The following CLPX variants were observed in gnomAD, a reference collection of about 807,000 sequenced individuals.
CLPX encodes the protein ATP-dependent clpX-like chaperone, mitochondrial.
CLPX carries 34 observed loss-of-function variants against 76.4 expected under a neutral mutation model. The observed-to-expected ratio is 0.45, with a 90% CI of 0.34 to 0.59. CLPX has a LOEUF of 0.59. Among genes scored for constraint, CLPX ranks in the 20% least tolerant of loss-of-function variants. The pLI, the probability that CLPX is intolerant of heterozygous loss-of-function variation, is 0.01. For missense variants in CLPX, 613 were observed against 757.0 expected (o/e 0.81, Z 2.23); for synonymous variants, 248 against 270.9 (o/e 0.92, Z 0.83).
rs2087820686 is a variant in CLPX at position 65,158,811 on chromosome 15, C to T, written c.716-60G>A. ...ATTTGAATTTACTTGAAGAAAATGT[C>T]CCATAAAAACTTTTATCTAAAACTA... On this transcript the variant is annotated intron_variant, in intron 6 of 13. Coordinates refer to ENST00000300107, the MANE Select transcript of CLPX (RefSeq NM_006660.5). 5 of 1,382,860 alleles carry T rather than the reference C, an allele frequency of 3.6e-6. No individual in the cohort carries two copies. In the African/African-American group the frequency reaches 4.4e-5, roughly 12 times the overall value. 85.7% of individuals were successfully genotyped at this position (1,382,860 alleles called of 1,614,324 possible).
At chr15:65,171,869 T>C (rs895442100) in intron 3 of CLPX, among the ~76,000 whole-genome samples, 5 of 152,226 alleles carry the variant, frequency 3.3e-5, no homozygotes, top group African/African-American at 7.2e-5. Context: ...TAAATTTGAC[T>C]TGAATATTTG....
chr15:65,181,280 G>A (rs567524310), intron 1 of CLPX, among the ~76,000 whole-genome samples: 13 of 152,088 alleles, frequency 8.5e-5, no homozygotes, highest in Non-Finnish European at 1.3e-4. Flanking sequence ...GAGTCAGTGA[G>A]TAGAATGGCG....
At chr15:65,162,579 C>G in intron 6 of CLPX, 25 bp downstream of exon 6, 1 of 1,514,472 alleles carries the variant, frequency 6.6e-7, no homozygotes, top group Non-Finnish European at 9.1e-7. Flanking sequence ...AGAATGATTA[C>G]AGAGGAGGAC....
At chr15:65,179,984 TA>T in intron 2 of CLPX, 59 bp downstream of exon 2, 1 of 1,279,226 alleles carries the variant, frequency 7.8e-7, no homozygotes, top group Non-Finnish European at 1.1e-6. Flanking sequence ...AGTACTGTTA[TA>T]TTTTTTTAAA....
intron 1 of CLPX, among the ~76,000 whole-genome samples, chr15:65,182,963 G>A (rs1297226439): frequency 1.3e-5 from 2 of 149,948 alleles, no homozygotes; most frequent in African/African-American, 2.5e-5. Flanking sequence ...AGGAGTTGGA[G>A]TCCAGCCTGA....
At chr15:65,169,148 C>T (rs374850333) in intron 3 of CLPX, among the ~76,000 whole-genome samples, 1 of 151,946 alleles carries the variant, frequency 6.6e-6, no homozygotes, top group Non-Finnish European at 1.5e-5. Context: ...CTTAGCCTCC[C>T]GAGTAGCTGG....
chr15:65,157,406 G>T (rs1454665947), intron 8 of CLPX, among the ~76,000 whole-genome samples: 6 of 152,170 alleles, frequency 3.9e-5, no homozygotes, highest in Admixed American at 2.0e-4. Flanking sequence ...TGTTTCTAGA[G>T]TCATCTGGTA....
chr15:65,180,422 T>C (rs1370589858), intron 1 of CLPX, among the ~76,000 whole-genome samples: 5 of 152,186 alleles, frequency 3.3e-5, no homozygotes, highest in Admixed American at 3.3e-4. Flanking sequence ...TAAAGGTGTT[T>C]CTTTCTGTAT....
At chr15:65,168,321 T>C (rs1424186304) in intron 3 of CLPX, among the ~76,000 whole-genome samples, 2 of 127,796 alleles carry the variant, frequency 1.6e-5, no homozygotes, top group East Asian at 2.5e-4. Flanking sequence ...GAGGTGGAGC[T>C]TGCAGTGAGA....
At chr15:65,160,011 C>G (rs1048479248) in intron 6 of CLPX, among the ~76,000 whole-genome samples, 2 of 152,014 alleles carry the variant, frequency 1.3e-5, no homozygotes, top group Non-Finnish European at 2.9e-5. Context: ...CGGGGTTTTG[C>G]CATGTTGCCC....
At chr15:65,174,356 C>T (rs2088057748) in intron 3 of CLPX, among the ~76,000 whole-genome samples, 1 of 150,690 alleles carries the variant, frequency 6.6e-6, no homozygotes. Flanking sequence ...CCTCCGCCTC[C>T]CGGGTTCAAG....
chr15:65,179,084 G>A (rs1179247371), intron 2 of CLPX, 33 bp from the exon 3 acceptor site: 3 of 1,367,140 alleles, frequency 2.2e-6, no homozygotes, highest in East Asian at 2.3e-5. Context: ...AAGGAAGAGT[G>A]TCAATTATTA....
At chr15:65,181,971 A>C (rs1236123163) in intron 1 of CLPX, among the ~76,000 whole-genome samples, 1 of 151,432 alleles carries the variant, frequency 6.6e-6, no homozygotes, top group East Asian at 1.9e-4. Flanking sequence ...AAAATACAAA[A>C]AATTAGCTGG....
chr15:65,165,217 A>G (rs1202782019), intron 4 of CLPX, among the ~76,000 whole-genome samples: 1 of 151,912 alleles, frequency 6.6e-6, no homozygotes, highest in African/African-American at 2.4e-5. Context: ...AGTCCCAGCT[A>G]CTGTGGAGGC....
intron 1 of CLPX, among the ~76,000 whole-genome samples, chr15:65,182,914 G>C (rs1374782491): frequency 1.3e-5 from 2 of 152,180 alleles, no homozygotes; most frequent in African/African-American, 4.8e-5. Flanking sequence ...TGTAATCCTA[G>C]CACTTTGGGA....
intron 3 of CLPX, among the ~76,000 whole-genome samples, chr15:65,173,233 G>A (rs1344190724): frequency 1.3e-5 from 2 of 151,962 alleles, no homozygotes; most frequent in African/African-American, 2.4e-5. Context: ...AGCTGGGTGT[G>A]GTGGTGGGCA....
At chr15:65,162,509 T>C (rs1595939752) in intron 6 of CLPX, 95 bp downstream of exon 6, 2 of 766,896 alleles carry the variant, frequency 2.6e-6, no homozygotes, top group African/African-American at 3.5e-5. Flanking sequence ...CACAAGCAAA[T>C]ACATACATGT....
chr15:65,171,410 G>GC (rs2088004570), intron 3 of CLPX, among the ~76,000 whole-genome samples: 1 of 150,940 alleles, frequency 6.6e-6, no homozygotes, highest in South Asian at 2.1e-4. Flanking sequence ...TCACACCACT[G>GC]CACTTCAGCC....
chr15:65,176,320 A>C (rs1160397722), intron 3 of CLPX, among the ~76,000 whole-genome samples: 1 of 152,214 alleles, frequency 6.6e-6, no homozygotes, highest in African/African-American at 2.4e-5. Context: ...AAGGAAAATA[A>C]ATTTAATCCC....
Sources: allele counts gnomAD v4.1 joint callset (sites outside exome capture counted in the v4.1 genomes callset), GRCh38; gene constraint gnomAD v4.1.1; transcripts MANE v1.5; gene names NCBI Gene and HGNC (gene_info 2026-07-23, HGNC 2026-07-21).